HAUS7: variants seen among roughly 807,000 people sequenced by gnomAD.
HAUS7 encodes the protein HAUS augmin-like complex subunit 7.
In HAUS7, 3 loss-of-function variants were observed where a neutral mutation model predicts 28.4. The ratio of observed to expected loss-of-function variants is 0.11; its 90% confidence interval spans 0.05 to 0.27. The LOEUF is 0.27. HAUS7 is among the 10% of genes least tolerant of loss of function. HAUS7 has a pLI of 1.00. For missense variants in HAUS7, 284 were observed against 297.3 expected (o/e 0.96, Z 0.33); for synonymous variants, 165 against 132.1 (o/e 1.25, Z -1.71).
At chrX:153,461,466 G>A (rs1461738969) in intron 4 of HAUS7, 1 of 108,150 alleles carries the variant, frequency 9.2e-6, no homozygotes, top group Non-Finnish European at 1.9e-5. Flanking sequence ...ATTTTGCTGT[G>A]AACCTAAAAC....
chrX:153,474,693 G>C (rs1318183634), upstream of HAUS7, among the ~76,000 whole-genome samples: 2 of 97,397 alleles, frequency 2.1e-5, no homozygotes, highest in African/African-American at 3.7e-5. Context: ...TGCAGTGGAC[G>C]CAACGGGAGA....
intron 1 of HAUS7, chrX:153,482,374 C>T: frequency 2.1e-5 from 16 of 756,633 alleles, no homozygotes; most frequent in Non-Finnish European, 2.5e-5. Flanking sequence ...ACTCGCTGAC[C>T]ACAGTCCCGG....
chrX:153,482,637 C>T, intron 1 of HAUS7: 1 of 733,555 alleles, frequency 1.4e-6, no homozygotes, highest in Non-Finnish European at 1.6e-6. Context: ...GGGCCCTGGC[C>T]TCTAGGGGCA....
intron 8 of HAUS7, chrX:153,455,017 T>A: frequency 9.8e-7 from 1 of 1,025,268 alleles, no homozygotes; most frequent in Non-Finnish European, 1.3e-6. Flanking sequence ...GTAGTCATCG[T>A]AACTAAAGCC....
At chrX:153,471,204 C>T (rs1362570792), upstream of HAUS7, 1 of 253,996 alleles carries the variant, frequency 3.9e-6, no homozygotes, top group Non-Finnish European at 7.6e-6. Context: ...AACCAGTTAC[C>T]TAACCTCTCT....
chrX:153,482,892 A>C, intron 1 of HAUS7: 3 of 269,689 alleles, frequency 1.1e-5, no homozygotes, highest in South Asian at 3.6e-4. Context: ...AGCCCCCAGG[A>C]TGGGGAGGCA....
intron 1 of HAUS7, 64 bp downstream of exon 1, chrX:153,470,386 C>G (rs1311005001): frequency 8.9e-7 from 1 of 1,128,596 alleles, no homozygotes. Context: ...GCAAGCCCTC[C>G]CGGGCCTCGG....
intron 8 of HAUS7, 42 bp downstream of exon 8, chrX:153,455,500 A>G (rs782621030): frequency 1.1e-6 from 1 of 873,521 alleles, no homozygotes; most frequent in East Asian, 3.1e-5. Context: ...CTGAGTGAAC[A>G]GGGGAGGGGG....
intron 4 of HAUS7, among the ~76,000 whole-genome samples, chrX:153,460,836 G>C (rs2089380024): frequency 8.9e-6 from 1 of 112,537 alleles, no homozygotes; most frequent in African/African-American, 3.2e-5. Flanking sequence ...CACCATCACG[G>C]AAGTGGGTGG....
At chrX:153,485,450 A>C (rs1352858122) in intron 1 of HAUS7, among the ~76,000 whole-genome samples, 1 of 111,846 alleles carries the variant, frequency 8.9e-6, no homozygotes, top group Non-Finnish European at 1.9e-5. Flanking sequence ...GGAGGGAAGG[A>C]AGTGAGTGGG....
At position 153,447,868 on chromosome X, in the gene HAUS7, T is replaced by C; in HGVS notation, c.*10A>G. The C allele has an allele frequency of 8.4e-7, 1 of 1,195,422 alleles. No homozygotes were observed. The highest frequency in any genetic ancestry group is 1.1e-6 in the Non-Finnish European group (1 of 880,195). ...CCTGTGCTTTGGCGTAGGCCATCAC[T>C]GAAGACTTTCTATTTCTCCATTAGT... On this transcript the variant is annotated 3_prime_UTR_variant, in exon 10 of 10. Coordinates refer to ENST00000370211, the MANE Select transcript of HAUS7 (RefSeq NM_001385482.1).
intron 1 of HAUS7, chrX:153,482,807 C>A (rs370150049): frequency 1.4e-6 from 1 of 719,750 alleles, no homozygotes; most frequent in East Asian, 1.5e-4. Flanking sequence ...CTGCAGCCTG[C>A]TCTATCTGAG....
chrX:153,458,119 G>C, intron 4 of HAUS7, among the ~76,000 whole-genome samples: 1 of 113,548 alleles, frequency 8.8e-6, no homozygotes. Context: ...CCTCAGAAAA[G>C]TGTGTGGCAG....
At chrX:153,489,287 C>A (rs782105612) in intron 1 of HAUS7, among the ~76,000 whole-genome samples, 1 of 112,191 alleles carries the variant, frequency 8.9e-6, no homozygotes, top group African/African-American at 3.2e-5. Flanking sequence ...AGCCCCAGCC[C>A]GAGAGCAAGG....
intron 9 of HAUS7, among the ~76,000 whole-genome samples, chrX:153,453,817 G>C (rs1394868616): frequency 9.4e-6 from 1 of 105,861 alleles, no homozygotes; most frequent in Non-Finnish European, 1.9e-5. Flanking sequence ...TTTTCCTTAA[G>C]TAACTTTTTT....
At chrX:153,482,237 C>G in intron 1 of HAUS7, 1 of 690,407 alleles carries the variant, frequency 1.4e-6, no homozygotes, top group Non-Finnish European at 1.7e-6. Context: ...TGCCCTTGGT[C>G]AGGATGGGCC....
At chrX:153,485,555 T>C (rs2089630671) in intron 1 of HAUS7, among the ~76,000 whole-genome samples, 1 of 111,878 alleles carries the variant, frequency 8.9e-6, no homozygotes, top group African/African-American at 3.2e-5. Context: ...TCCCTAAGCC[T>C]TGGGGGACAG....
At chrX:153,489,484 A>G (rs1556989209) in intron 1 of HAUS7, among the ~76,000 whole-genome samples, 1 of 112,953 alleles carries the variant, frequency 8.9e-6, no homozygotes, top group African/African-American at 3.2e-5. Context: ...CTGAGGGGAC[A>G]TTGCAGTGAC....
At chrX:153,477,434 T>C (rs2089569600) in intron 1 of HAUS7, among the ~76,000 whole-genome samples, 1 of 113,465 alleles carries the variant, frequency 8.8e-6, no homozygotes, top group African/African-American at 3.2e-5. Flanking sequence ...ACCCCGTTTC[T>C]CAGGCGATGC....
Sources: gnomAD v4.1 joint callset for allele counts (sites outside exome capture counted in the v4.1 genomes callset) on GRCh38, gnomAD v4.1.1 for gene constraint, MANE v1.5 for transcripts, NCBI Gene and HGNC (gene_info 2026-07-23, HGNC 2026-07-21) for gene names.